Variants in DESI1 observed in about 807,000 individuals in gnomAD.
DESI1 encodes PPPDE peptidase domain containing 2.
A neutral mutation model predicts 22.4 loss-of-function variants in DESI1; 17 were observed. That is an observed-to-expected ratio of 0.76 (90% CI 0.52 to 1.14). DESI1 has a LOEUF of 1.14. DESI1 is among the 50% of genes most tolerant of loss of function. The pLI is 0.00. For missense variants in DESI1, 177 were observed against 208.9 expected, an observed-to-expected ratio of 0.85 and a Z score of 0.94; for synonymous variants, 92 against 84.2, an observed-to-expected ratio of 1.09 and a Z score of -0.51.
In DESI1 at chr22:41,620,869, G is replaced by A. The variant is rs1366441280; in HGVS notation, c.-30C>T. 1 of 1,589,728 alleles carries A rather than the reference G, an allele frequency of 6.3e-7. No homozygotes were observed. Reference sequence around the variant, plus strand: ...ACCCGTGGCGACGGCGGCCACGACGGCCCTCGGGCACCCGGCAGCGGCTTG... The same window carrying A: ...ACCCGTGGCGACGGCGGCCACGACGACCCTCGGGCACCCGGCAGCGGCTTG... On this transcript the variant is annotated 5_prime_UTR_variant, in exon 1 of 6. Coordinates refer to ENST00000263256, the MANE Select transcript of DESI1 (RefSeq NM_015704.3).
At position 41,620,944 on chromosome 22, in the gene DESI1, CGAGCCCGGGCCCGGG is replaced by C; in HGVS notation, c.-120_-106del. The stretch of plus-strand genomic sequence containing the variant: ...GCGAAGCGGAGGGAGAGGGGGGGAC[CGAGCCCGGGCCCGGG>C]CTGAGGGGTGGGGGAGAGGCCGCCC... On this transcript the variant is annotated 5_prime_UTR_variant, in exon 1 of 6. Transcript: ENST00000263256. 7.8e-7 allele frequency: 1 copy of C among 1,279,822 alleles called. No homozygotes were observed. Among genetic ancestry groups the C allele is most frequent in the South Asian group, 1.4e-5 (1 of 73,064 alleles). The allele number at this position is 1,279,822 out of a possible 1,614,324, so 79.3% of individuals were successfully genotyped here.
intron 1 of DESI1, among the ~76,000 whole-genome samples, chr22:41,608,733 G>C (rs985478462): frequency 2.0e-5 from 3 of 152,106 alleles, no homozygotes; most frequent in Middle Eastern, 3.2e-3. Context: ...GTAGTTGTGG[G>C]ATAGCAGATG....
rs1228452201 is a variant in DESI1, at chr22:41,598,374, TGA to T, written c.*2721_*2722del. On this transcript the variant is annotated 3_prime_UTR_variant, in exon 6 of 6. Transcript: ENST00000263256. ...GGGGTAGGCAGTTGAAGCCTGAGCC[TGA>T]GTTTACAGTTAGTGACAGTGGGGCT... 3 of 152,198 alleles carry T rather than the reference TGA, an allele frequency of 2.0e-5. No individual in the cohort carries two copies. The highest frequency in any genetic ancestry group is 4.4e-5 in the Non-Finnish European group (3 of 68,044). 9.4% of individuals were successfully genotyped at this position (152,198 alleles called of 1,614,324 possible).
chr22:41,613,536 C>T (rs565762755), intron 1 of DESI1, among the ~76,000 whole-genome samples: 1 of 152,322 alleles, frequency 6.6e-6, no homozygotes, highest in South Asian at 2.1e-4. Context: ...ACTCCAGCAC[C>T]TAGCAAAGGA....
rs1156987352 is a variant in DESI1, at chr22:41,620,918, T to C, written c.-79A>G. Reference sequence around the variant, plus strand: ...TGGACCTTCCCGTACCCGACGGGAGTGCGAAGCGGAGGGAGAGGGGGGGAC... The same window carrying C: ...TGGACCTTCCCGTACCCGACGGGAGCGCGAAGCGGAGGGAGAGGGGGGGAC... On this transcript the variant is annotated 5_prime_UTR_variant, in exon 1 of 6. Coordinates refer to ENST00000263256, the MANE Select transcript of DESI1 (RefSeq NM_015704.3). 1.4e-6 allele frequency: 2 copies of C among 1,472,104 alleles called. No individual in the cohort carries two copies. Among genetic ancestry groups the C allele is most frequent in the Non-Finnish European group, 1.8e-6 (2 of 1,083,856 alleles). The allele number at this position is 1,472,104 out of a possible 1,614,324, so 91.2% of individuals were successfully genotyped here.
chr22:41,615,553 A>T (rs1196421374), intron 1 of DESI1, among the ~76,000 whole-genome samples: 2 of 152,278 alleles, frequency 1.3e-5, no homozygotes, highest in African/African-American at 4.8e-5. Context: ...AACAGTTCAC[A>T]CAGTGAACAA....
chr22:41,602,283 A>T, intron 5 of DESI1: 12 of 985,442 alleles, frequency 1.2e-5, no homozygotes, highest in Non-Finnish European at 1.4e-5. Context: ...TCCACCCATA[A>T]AATAATAACA....
Position 41,601,068 on chromosome 22 carries a change from G to A in DESI1, c.*29C>T. 6.3e-7 allele frequency: 1 copy of A among 1,582,520 alleles called. No homozygotes were observed. On this transcript the variant is annotated 3_prime_UTR_variant, in exon 6 of 6. Transcript: ENST00000263256. ...TTTTGTTTAAAAAGGAAAAGCCCTG[G>A]TGAGGCAGGGCGGTCCCAGGCAGTC...
intron 4 of DESI1, among the ~76,000 whole-genome samples, chr22:41,603,585 A>G (rs188785313): frequency 3.3e-5 from 5 of 152,234 alleles, no homozygotes; most frequent in Admixed American, 1.3e-4. Context: ...CTGAAAAGAC[A>G]TGGCTCCTAC....
At chr22:41,619,768 C>G (rs1278182629) in intron 1 of DESI1, among the ~76,000 whole-genome samples, 1 of 152,168 alleles carries the variant, frequency 6.6e-6, no homozygotes. Flanking sequence ...GATCTCTGCC[C>G]CCTCGTCTCA....
Position 41,620,928 on chromosome 22 carries a change from A to G in DESI1, c.-89T>C. On this transcript the variant is annotated 5_prime_UTR_variant, in exon 1 of 6. Coordinates refer to ENST00000263256, the MANE Select transcript of DESI1 (RefSeq NM_015704.3). ...CGTACCCGACGGGAGTGCGAAGCGGAGGGAGAGGGGGGGACCGAGCCCGGG... is the reference window on the plus strand; with the variant it reads ...CGTACCCGACGGGAGTGCGAAGCGGGGGGAGAGGGGGGGACCGAGCCCGGG... 8.9e-7 allele frequency: 1 copy of G among 1,125,514 alleles called. No individual in the cohort carries two copies. The highest frequency in any genetic ancestry group is 1.2e-6 in the Non-Finnish European group (1 of 812,806). The allele number at this position is 1,125,514 out of a possible 1,614,324, so 69.7% of individuals were successfully genotyped here.
intron 5 of DESI1, chr22:41,602,509 G>T (rs1178207321): frequency 7.1e-6 from 7 of 985,332 alleles, no homozygotes; most frequent in Non-Finnish European, 8.4e-6. Flanking sequence ...ACCTTGCTGG[G>T]CCTGCGAAAC....
At position 41,607,840 on chromosome 22, in the gene DESI1, C is replaced by T. The variant is rs1476140470; in HGVS notation, c.110G>A (p.Trp37Ter). Residue 37 changes from tryptophan (W) to a stop codon, truncating the protein, a stop_gained and splice_region_variant, in exon 2 of 6, where the codon TGG becomes TAG. Coordinates refer to ENST00000263256, the MANE Select transcript of DESI1 (RefSeq NM_015704.3). LOFTEE classifies it high-confidence loss of function. ...IMLGKQLEGI[W>*]HTSIVVHKDE... ...AAGTAAGGAGACCCACCCAACTTAC[C>T]AGATGCCTTCCAGTTGTTTCCCTGT... 1 of 1,614,206 alleles carries T rather than the reference C, an allele frequency of 6.2e-7. No homozygotes were observed.
chr22:41,617,493 G>A (rs955952868), intron 1 of DESI1, among the ~76,000 whole-genome samples: 11 of 152,168 alleles, frequency 7.2e-5, no homozygotes, highest in African/African-American at 2.7e-4. Flanking sequence ...TTTAGGAATG[G>A]GAAATCAATA....
intron 1 of DESI1, among the ~76,000 whole-genome samples, chr22:41,611,421 C>G (rs564282191): frequency 6.6e-6 from 1 of 152,234 alleles, no homozygotes; most frequent in African/African-American, 2.4e-5. Context: ...GTGTGAGCCA[C>G]TCTATGTGGC....
At chr22:41,603,708 A>G (rs1014067894) in intron 4 of DESI1, among the ~76,000 whole-genome samples, 1 of 152,216 alleles carries the variant, frequency 6.6e-6, no homozygotes, top group African/African-American at 2.4e-5. Flanking sequence ...TCAAGTTTGT[A>G]TTTCATCCCA....
chr22:41,620,853 G>A lies in DESI1; in HGVS notation c.-14C>T. 6.3e-7 allele frequency: 1 copy of A among 1,599,872 alleles called. No homozygotes were observed. The highest frequency in any genetic ancestry group is 1.3e-5 in the African/African-American group (1 of 74,636). On this transcript the variant is annotated 5_prime_UTR_variant, in exon 1 of 6. Transcript: ENST00000263256. ...CGGCGGCTCCATTGGGACCCGTGGC[G>A]ACGGCGGCCACGACGGCCCTCGGGC...
In DESI1 at chr22:41,600,991, C is replaced by A; in HGVS notation, c.*106G>T. The A allele has an allele frequency of 9.3e-7, 1 of 1,077,730 alleles. No homozygotes were observed. Among genetic ancestry groups the A allele is most frequent in the Non-Finnish European group, 1.4e-6 (1 of 727,596 alleles). 66.8% of individuals were successfully genotyped at this position (1,077,730 alleles called of 1,614,324 possible). ...CCTGGGAAATTTAAAAAGCCGTCCC[C>A]TGGTTGTTAGCTCTGATGTAAAATT... On this transcript the variant is annotated 3_prime_UTR_variant, in exon 6 of 6. Coordinates refer to ENST00000263256, the MANE Select transcript of DESI1 (RefSeq NM_015704.3).
chr22:41,601,232 G>A (rs1237220005), intron 5 of DESI1, 42 bp from the exon 6 acceptor site: 14 of 1,551,596 alleles, frequency 9.0e-6, no homozygotes, highest in Non-Finnish European at 1.2e-5. Flanking sequence ...GCTCTGGGAT[G>A]TGGCCTGCTG....
Sources: allele counts gnomAD v4.1 joint callset (sites outside exome capture counted in the v4.1 genomes callset), GRCh38; gene constraint gnomAD v4.1.1; transcripts MANE v1.5; gene names NCBI Gene and HGNC (gene_info 2026-07-23, HGNC 2026-07-21).